XPO5: variants seen among roughly 807,000 people sequenced by gnomAD.
XPO5 encodes the protein exportin-5.
XPO5 carries 46 observed loss-of-function variants against 160.6 expected under a neutral mutation model. The observed-to-expected ratio is 0.29, with a 90% CI of 0.23 to 0.37. The LOEUF is 0.37. Ranked by LOEUF, XPO5 falls within the 10% of genes least tolerant of loss-of-function variation. The pLI is 1.00. For missense variants in XPO5, 1,090 were observed against 1,463.9 expected, an observed-to-expected ratio of 0.74 and a Z score of 4.17; for synonymous variants, 537 against 519.3, an observed-to-expected ratio of 1.03 and a Z score of -0.46.
rs111780112 is a variant in XPO5 at position 43,569,733 on chromosome 6, C to CA, written c.621+768dup. On this transcript the variant is annotated intron_variant, in intron 5 of 31. Transcript: ENST00000265351. ...GGGTGACAGAGTGAGACTCCCTCTCCAAAAAAAAAAAAAAAATTAGTATTT... is the reference window on the plus strand; with the variant it reads ...GGGTGACAGAGTGAGACTCCCTCTCCAAAAAAAAAAAAAAAAATTAGTATTT... 9.6e-3 allele frequency among the ~76,000 whole-genome samples: 1,001 copies of CA among 104,370 alleles called. 7 individuals carry two copies. The highest frequency in any genetic ancestry group is 0.026 in the Middle Eastern group (5 of 194). The allele number at this position is 104,370 out of a possible 152,430, so 68.5% of individuals were successfully genotyped here. A position where few individuals can be genotyped will look rare whatever the true frequency, so the allele number is the denominator to read the frequency against.
intron 23 of XPO5, among the ~76,000 whole-genome samples, chr6:43,530,337 T>C (rs1793888276): frequency 6.6e-6 from 1 of 151,056 alleles, no homozygotes; most frequent in African/African-American, 2.4e-5. Flanking sequence ...GGCACAAGAA[T>C]AGCTTGAACC....
intron 17 of XPO5, among the ~76,000 whole-genome samples, chr6:43,549,087 T>C (rs115283090): frequency 0.018 from 2,798 of 152,308 alleles, 34 homozygotes; most frequent in South Asian, 0.04. Flanking sequence ...ATTTTTGAGA[T>C]GGAGTTTCGC....
In XPO5 at chr6:43,551,445, A is replaced by G; in HGVS notation, c.1581T>C (p.Pro527=). ...GCAATAGCTCTATTCCATCATTAAC[A>G]GGAATTTCCTGTAACAAAGACATAA... ...MFRTLNREEI[P]VNDGIELLQM... is the part of the protein sequence containing the mutation. Residue 527 remains proline (P), a synonymous_variant, in exon 15 of 32, where the codon CCT becomes CCC. Coordinates refer to ENST00000265351, the MANE Select transcript of XPO5 (RefSeq NM_020750.3). 5 of 1,612,304 alleles carry G rather than the reference A, an allele frequency of 3.1e-6. No homozygotes were observed. The highest frequency in any genetic ancestry group is 3.4e-6 in the Non-Finnish European group (4 of 1,179,462).
At chr6:43,528,042 G>T in intron 25 of XPO5, 117 bp downstream of exon 25, 1 of 1,065,286 alleles carries the variant, frequency 9.4e-7, no homozygotes, top group South Asian at 1.5e-5. Context: ...GGCTGAGAAT[G>T]ACTACAACCT....
In XPO5 at chr6:43,522,987, T is replaced by C; in HGVS notation, c.*881A>G. 1 of 172,434 alleles carries C rather than the reference T, an allele frequency of 5.8e-6. No homozygotes were observed. Among genetic ancestry groups the C allele is most frequent in the Admixed American group, 6.0e-5 (1 of 16,678 alleles). 10.7% of individuals were successfully genotyped at this position (172,434 alleles called of 1,614,324 possible). On this transcript the variant is annotated 3_prime_UTR_variant, in exon 32 of 32. Coordinates refer to ENST00000265351, the MANE Select transcript of XPO5 (RefSeq NM_020750.3). The stretch of plus-strand genomic sequence containing the variant: ...ATGAGATTGTGGAAGGCACCTGGAC[T>C]TAGTCCTAGGAGAAGACCAGCGGCT...
rs370010137 is a variant in XPO5, at chr6:43,575,740, G to A, written c.105+20C>T. ...GGAGAGGGTGTCGGGACCGGCCCAG[G>A]ACGCCAGGACCCCAGCTACCTTGAG... On this transcript the variant is annotated intron_variant, in intron 1 of 31. Coordinates refer to ENST00000265351, the MANE Select transcript of XPO5 (RefSeq NM_020750.3). 8.7e-6 allele frequency: 14 copies of A among 1,602,152 alleles called. No individual in the cohort carries two copies. Among genetic ancestry groups the A allele is most frequent in the African/African-American group, 4.0e-5 (3 of 74,270 alleles).
rs200090185 is a variant in XPO5, at chr6:43,567,330, C to T, written c.673G>A (p.Val225Ile). The T allele has an allele frequency of 3.1e-5, 50 of 1,609,584 alleles. No homozygotes were observed. In the African/African-American group the frequency reaches 3.6e-4, roughly 12 times the overall value. The change falls in exon 7 of 32, where the codon GTT (valine) becomes ATT (isoleucine). Residue 225 changes from valine (V) to isoleucine (I), a missense_variant. Val to Ile is a conservative substitution (Grantham distance 29, BLOSUM62 3). Transcript: ENST00000265351. ...CCTGCTAGAGTATTCAGTGCTGCAA[C>T]TCCTACTCGACAGTTTGCTTGCGCC... The part of the protein sequence containing the change: ...SKAQANCRVG[V>I]AALNTLAGYI...
chr6:43,571,326 A>G lies in XPO5; in HGVS notation c.301-332T>C, dbSNP rs556321520. Among the ~76,000 whole-genome samples, 5 of 152,360 alleles carry G rather than the reference A, an allele frequency of 3.3e-5. No individual in the cohort carries two copies. The South Asian group carries it at 1.0e-3, about 32-fold the overall frequency. On this transcript the variant is annotated intron_variant, in intron 3 of 31. Transcript: ENST00000265351. Reference sequence around the variant, plus strand: ...GAGGAAGAGTATAGAAATAAGGAGTATAGTGAGTAGCTGGTAAAATGGAAG... The same window carrying G: ...GAGGAAGAGTATAGAAATAAGGAGTGTAGTGAGTAGCTGGTAAAATGGAAG...
Position 43,546,612 on chromosome 6 carries a change from C to T in XPO5, c.2301G>A (p.Glu767=), listed in dbSNP as rs549282491. 8.1e-6 allele frequency: 13 copies of T among 1,612,806 alleles called. No homozygotes were observed. Among genetic ancestry groups the T allele is most frequent in the South Asian group, 7.7e-5 (7 of 90,700 alleles). Residue 767 remains glutamate, a synonymous_variant, in exon 20 of 32, where the codon GAG becomes GAA. Transcript: ENST00000265351. ...AATTGTCAAGAAGTTTCAGAATCTG[C>T]TCTGTGCAGGGGTTACGGAAGATTG... ...GNPIFRNPCT[E]QILKLLDNLL...
Position 43,546,558 on chromosome 6 carries a change from T to C in XPO5, c.2342+13A>G. 1 of 1,595,394 alleles carries C rather than the reference T, an allele frequency of 6.3e-7. No individual in the cohort carries two copies. The highest frequency in any genetic ancestry group is 8.5e-7 in the Non-Finnish European group (1 of 1,173,688). ...GTAGAAAACAACAGAGAAAAGCCAT[T>C]ATTCTGACTCACCTTATAAGCGCAA... On this transcript the variant is annotated intron_variant, in intron 20 of 31. Transcript: ENST00000265351.
rs574458748 is a variant in XPO5 at position 43,525,835 on chromosome 6, C to T, written c.3066+4G>A. ...TAAAGGTATCACCTGCTCCTTCTAC[C>T]CACCTCATGCTTCATCAGACATTTG... is the stretch of plus-strand genomic sequence containing the variant. On this transcript the variant is annotated splice_donor_region_variant and intron_variant, in intron 28 of 31. Coordinates refer to ENST00000265351, the MANE Select transcript of XPO5 (RefSeq NM_020750.3). 1 of 1,613,902 alleles carries T rather than the reference C, an allele frequency of 6.2e-7. No individual in the cohort carries two copies. Among genetic ancestry groups the T allele is most frequent in the South Asian group, 1.1e-5 (1 of 91,044 alleles).
intron 14 of XPO5, among the ~76,000 whole-genome samples, chr6:43,552,412 G>T (rs964632195): frequency 2.0e-5 from 3 of 151,756 alleles, no homozygotes; most frequent in Non-Finnish European, 4.4e-5. Flanking sequence ...GAGTGCACTG[G>T]CGTGATTTTG....
At chr6:43,555,314 AG>A (rs1413752211) in intron 13 of XPO5, 4 of 143,914 alleles carry the variant, frequency 2.8e-5, no homozygotes, top group African/African-American at 1.2e-4. Context: ...TGGAGTACAG[AG>A]AAGTTAACTG....
intron 9 of XPO5, 173 bp downstream of exon 9, chr6:43,562,074 T>G (rs183378524): frequency 2.0e-6 from 1 of 499,924 alleles, no homozygotes; most frequent in Non-Finnish European, 3.5e-6. Context: ...TTTAGATCAC[T>G]CAAACACTAT....
intron 20 of XPO5, among the ~76,000 whole-genome samples, chr6:43,534,408 T>C (rs1246383987): frequency 6.6e-6 from 1 of 152,198 alleles, no homozygotes; most frequent in Non-Finnish European, 1.5e-5. Context: ...GCCCCATTTT[T>C]CAATGTTTTG....
intron 5 of XPO5, among the ~76,000 whole-genome samples, chr6:43,569,554 T>C (rs1317702814): frequency 1.3e-5 from 2 of 151,358 alleles, no homozygotes; most frequent in Admixed American, 6.6e-5. Flanking sequence ...ACCAACATGG[T>C]GAAACACCAT....
chr6:43,527,607 T>C lies in XPO5; in HGVS notation c.2920+27A>G, dbSNP rs1319525395. The C allele has an allele frequency of 5.0e-6, 8 of 1,611,618 alleles. No homozygotes were observed. The Admixed American group carries it at 5.0e-5, about 10-fold the overall frequency. On this transcript the variant is annotated intron_variant, in intron 26 of 31. Coordinates refer to ENST00000265351, the MANE Select transcript of XPO5 (RefSeq NM_020750.3). ...GCTCTTCTTCCAGGAAAATCCTCTATAGCCCCAGTTTCGACATGCCACTTA... is the reference window on the plus strand; with the variant it reads ...GCTCTTCTTCCAGGAAAATCCTCTACAGCCCCAGTTTCGACATGCCACTTA...
At chr6:43,562,826 T>C (rs1328967654) in intron 8 of XPO5, among the ~76,000 whole-genome samples, 2 of 152,172 alleles carry the variant, frequency 1.3e-5, no homozygotes, top group Non-Finnish European at 2.9e-5. Flanking sequence ...ATGATGTCTA[T>C]GGAACTAAGA....
In XPO5 at chr6:43,523,192, T is replaced by A. The variant is rs569015307; in HGVS notation, c.*676A>T. The A allele has an allele frequency of 1.2e-4, 20 of 170,846 alleles. No individual in the cohort carries two copies. The South Asian group carries it at 2.6e-3, about 22-fold the overall frequency. The allele number at this position is 170,846 out of a possible 1,614,324, so 10.6% of individuals were successfully genotyped here. On this transcript the variant is annotated 3_prime_UTR_variant, in exon 32 of 32. Coordinates refer to ENST00000265351, the MANE Select transcript of XPO5 (RefSeq NM_020750.3). ...CAAGATGTGTGAACTCTAAAGGGGATGTTAGCACTAAAGACTTCCCAGCCC... is the reference window on the plus strand; with the variant it reads ...CAAGATGTGTGAACTCTAAAGGGGAAGTTAGCACTAAAGACTTCCCAGCCC...
Sources: allele counts gnomAD v4.1 joint callset (sites outside exome capture counted in the v4.1 genomes callset), GRCh38; gene constraint gnomAD v4.1.1; transcripts MANE v1.5; gene names NCBI Gene and HGNC (gene_info 2026-07-23, HGNC 2026-07-21).